SLC35F4: variants seen among roughly 807,000 people sequenced by gnomAD.
The protein encoded by SLC35F4 is chromosome 14 open reading frame 36.
SLC35F4 carries 24 observed loss-of-function variants against 44.2 expected under a neutral mutation model. The ratio of observed to expected loss-of-function variants is 0.54; its 90% confidence interval spans 0.39 to 0.76. The LOEUF (loss-of-function observed/expected upper bound fraction) is 0.76. Among genes scored for constraint, SLC35F4 ranks in the 30% least tolerant of loss-of-function variants. The pLI is 0.00. For synonymous variants in SLC35F4, 238 were observed against 223.6 expected (o/e 1.06, Z -0.57); for missense variants, 562 against 586.1 (o/e 0.96, Z 0.42).
intron 1 of SLC35F4, among the ~76,000 whole-genome samples, chr14:57,679,557 G>T (rs1415823958): frequency 6.6e-6 from 1 of 151,632 alleles, no homozygotes; most frequent in Non-Finnish European, 1.5e-5. Flanking sequence ...CGACACAAAA[G>T]ACCCTTCAAA....
chr14:57,808,105 C>T (rs552650271), intron 1 of SLC35F4, among the ~76,000 whole-genome samples: 31 of 151,926 alleles, frequency 2.0e-4, no homozygotes, highest in Admixed American at 1.5e-3. Context: ...ATGGGAACTA[C>T]AATTCAAGGT....
chr14:57,868,688 G>C (rs1456248964), upstream of SLC35F4, among the ~76,000 whole-genome samples: 1 of 152,076 alleles, frequency 6.6e-6, no homozygotes, highest in Non-Finnish European at 1.5e-5. Context: ...ATGTTGGCCA[G>C]ACTGGTCTCG....
intron 1 of SLC35F4, among the ~76,000 whole-genome samples, chr14:57,946,469 C>CTT (rs71104596): frequency 9.2e-3 from 716 of 78,130 alleles, no homozygotes; most frequent in Non-Finnish European, 0.012. Context: ...GTTTTCTTTT[C>CTT]TTTTTTTTTT....
chr14:57,852,006 T>C (rs952862316), intron 1 of SLC35F4, among the ~76,000 whole-genome samples: 1 of 152,238 alleles, frequency 6.6e-6, no homozygotes, highest in Non-Finnish European at 1.5e-5. Flanking sequence ...CCAATATTTA[T>C]GGAGTGCCCA....
intron 1 of SLC35F4, among the ~76,000 whole-genome samples, chr14:57,656,328 G>T (rs2073968732): frequency 2.3e-5 from 3 of 131,370 alleles, no homozygotes; most frequent in Admixed American, 8.5e-5. Context: ...ACACATATAT[G>T]CTTGAGGACA....
chr14:57,967,411 A>G (rs1300385729), intron 1 of SLC35F4, among the ~76,000 whole-genome samples: 1 of 152,230 alleles, frequency 6.6e-6, no homozygotes, highest in Non-Finnish European at 1.5e-5. Flanking sequence ...ATATGGTTAC[A>G]TGCATGTGTC....
At chr14:57,831,723 G>T (rs1180699272) in intron 1 of SLC35F4, among the ~76,000 whole-genome samples, 1 of 152,144 alleles carries the variant, frequency 6.6e-6, no homozygotes, top group Non-Finnish European at 1.5e-5. Context: ...CTCCTTGAGA[G>T]ACCAGAGCAT....
chr14:57,909,541 T>TAC (rs56024301), intron 1 of SLC35F4, among the ~76,000 whole-genome samples: 193 of 148,646 alleles, frequency 1.3e-3, no homozygotes, highest in Middle Eastern at 3.4e-3. Context: ...CAGTTGGAAA[T>TAC]ACACACACAC....
chr14:57,917,063 G>C (rs1345328722), intron 1 of SLC35F4, among the ~76,000 whole-genome samples: 2 of 151,808 alleles, frequency 1.3e-5, no homozygotes, highest in African/African-American at 4.8e-5. Context: ...GTTTTGTTTT[G>C]AGACGGAGTC....
intron 1 of SLC35F4, among the ~76,000 whole-genome samples, chr14:57,654,179 G>A (rs537210525): frequency 6.6e-6 from 1 of 152,254 alleles, no homozygotes; most frequent in Non-Finnish European, 1.5e-5. Context: ...GGAACAGGTG[G>A]TTTTGGCTTA....
At chr14:57,849,458 A>C (rs913514004) in intron 1 of SLC35F4, among the ~76,000 whole-genome samples, 1 of 143,132 alleles carries the variant, frequency 7.0e-6, no homozygotes, top group Non-Finnish European at 1.5e-5. Flanking sequence ...CACCAAGCCC[A>C]GCCCACAAAA....
At chr14:57,610,334 T>C (rs771678231) in intron 1 of SLC35F4, among the ~76,000 whole-genome samples, 8 of 152,106 alleles carry the variant, frequency 5.3e-5, no homozygotes, top group African/African-American at 7.2e-5. Context: ...TGTGAGAAAC[T>C]GGAAGAGCCC....
intron 1 of SLC35F4, 25 bp downstream of exon 1, chr14:57,865,698 G>A (rs1485120899): frequency 3.3e-6 from 5 of 1,507,408 alleles, no homozygotes; most frequent in East Asian, 2.6e-5. Context: ...CCCGCCTCGC[G>A]CAGGGCAGCC....
chr14:57,633,672 C>T (rs2072893224), intron 1 of SLC35F4, among the ~76,000 whole-genome samples: 2 of 152,102 alleles, frequency 1.3e-5, no homozygotes, highest in African/African-American at 4.8e-5. Flanking sequence ...CTCTCTCACG[C>T]TTTCCCTTTT....
intron 1 of SLC35F4, among the ~76,000 whole-genome samples, chr14:57,627,337 T>C (rs902195366): frequency 2.6e-5 from 4 of 152,118 alleles, no homozygotes; most frequent in African/African-American, 9.7e-5. Context: ...GAAACAAGAT[T>C]GAGGAAGAAT....
At chr14:57,948,732 G>A (rs1350911885) in intron 1 of SLC35F4, among the ~76,000 whole-genome samples, 1 of 152,010 alleles carries the variant, frequency 6.6e-6, no homozygotes, top group Non-Finnish European at 1.5e-5. Context: ...GATAAGTTGT[G>A]ACACTATTAT....
intron 1 of SLC35F4, among the ~76,000 whole-genome samples, chr14:57,760,281 C>T (rs1594983713): frequency 6.6e-6 from 1 of 152,036 alleles, no homozygotes; most frequent in African/African-American, 2.4e-5. Context: ...AATTTGTTGG[C>T]AATATTATTT....
intron 1 of SLC35F4, among the ~76,000 whole-genome samples, chr14:57,852,316 A>C (rs1415678883): frequency 6.6e-6 from 1 of 152,176 alleles, no homozygotes; most frequent in African/African-American, 2.4e-5. Flanking sequence ...ATCTTAGATG[A>C]ATGAAAGAGC....
chr14:57,678,512 C>T (rs1594777389), intron 1 of SLC35F4, among the ~76,000 whole-genome samples: 1 of 151,990 alleles, frequency 6.6e-6, no homozygotes, highest in Non-Finnish European at 1.5e-5. Flanking sequence ...CAAATTAACA[C>T]ATAACAATAT....
Sources: allele counts gnomAD v4.1 joint callset (sites outside exome capture counted in the v4.1 genomes callset), GRCh38; gene constraint gnomAD v4.1.1; transcripts MANE v1.5; gene names NCBI Gene and HGNC (gene_info 2026-07-23, HGNC 2026-07-21).